B3GLCT: variants seen among roughly 807,000 people sequenced by gnomAD.
B3GLCT encodes the protein beta-1,3-glucosyltransferase.
B3GLCT carries 65 observed loss-of-function variants against 63.4 expected under a neutral mutation model. That is an observed-to-expected ratio of 1.03 (90% confidence interval 0.84 to 1.26). The LOEUF is 1.26. Ranked by LOEUF, B3GLCT falls within the 50% of genes most tolerant of loss-of-function variation. The pLI, the probability that B3GLCT is intolerant of heterozygous loss-of-function variation, is 0.00. For synonymous variants in B3GLCT, 233 were observed against 219.2 expected (o/e 1.06, Z -0.55); for missense variants, 577 against 604.8 (o/e 0.95, Z 0.48).
chr13:31,313,354 T>C (rs1439095177), intron 12 of B3GLCT, among the ~76,000 whole-genome samples: 3 of 152,222 alleles, frequency 2.0e-5, no homozygotes, highest in African/African-American at 7.2e-5. Context: ...ACTTGTTGAA[T>C]GGCTTTGCCC....
At chr13:31,214,944 G>T (rs1233638175) in intron 1 of B3GLCT, 107 bp from the exon 2 acceptor site, 46 of 1,104,458 alleles carry the variant, frequency 4.2e-5, no homozygotes, top group Non-Finnish European at 5.6e-5. Context: ...AGCAAAATAT[G>T]TCTTGTTAAA....
intron 6 of B3GLCT, 146 bp downstream of exon 6, chr13:31,248,112 T>C: frequency 1.6e-6 from 1 of 610,480 alleles, no homozygotes; most frequent in Non-Finnish European, 2.9e-6. Flanking sequence ...ATCTGAGATA[T>C]GTTAAGTAAT....
rs766246764 is a variant in B3GLCT at position 31,276,744 on chromosome 13, A to G, written c.823A>G (p.Thr275Ala). The G allele has an allele frequency of 1.2e-6, 2 of 1,613,272 alleles. No homozygotes were observed. The highest frequency in any genetic ancestry group is 1.7e-6 in the Non-Finnish European group (2 of 1,179,350). Reference sequence around the variant, plus strand: ...GAAGGATATTTTTGTTGCAGTAAAAACATGCAAGAAATTTCATGGTGACAG... The same window carrying G: ...GAAGGATATTTTTGTTGCAGTAAAAGCATGCAAGAAATTTCATGGTGACAG... ...KKKDIFVAVK[T>A]CKKFHGDRIP... is the part of the protein sequence containing the mutation. The change falls in exon 10 of 15, where the codon ACA becomes GCA. Residue 275 changes from threonine to alanine, a missense_variant. Transcript: ENST00000343307.
intron 9 of B3GLCT, among the ~76,000 whole-genome samples, chr13:31,274,936 A>G (rs1872715238): frequency 6.6e-6 from 1 of 152,216 alleles, no homozygotes; most frequent in African/African-American, 2.4e-5. Flanking sequence ...TTCCACTTAT[A>G]AGTGAGAACA....
At chr13:31,202,479 G>C (rs753041317) in intron 1 of B3GLCT, among the ~76,000 whole-genome samples, 1 of 152,156 alleles carries the variant, frequency 6.6e-6, no homozygotes, top group Non-Finnish European at 1.5e-5. Flanking sequence ...TACTGATCCC[G>C]TTGTAGCAGA....
intron 6 of B3GLCT, among the ~76,000 whole-genome samples, chr13:31,255,315 T>C (rs1372238898): frequency 1.3e-5 from 2 of 152,066 alleles, no homozygotes; most frequent in Non-Finnish European, 2.9e-5. Context: ...CACAAACAAA[T>C]GGAAAAACAT....
chr13:31,329,104 C>T (rs919091565), intron 14 of B3GLCT, among the ~76,000 whole-genome samples: 2 of 152,114 alleles, frequency 1.3e-5, no homozygotes, highest in Non-Finnish European at 2.9e-5. Flanking sequence ...CTTGTCCCAG[C>T]CCCCCACAAC....
At chr13:31,208,922 G>T (rs1016223401) in intron 1 of B3GLCT, among the ~76,000 whole-genome samples, 5 of 151,836 alleles carry the variant, frequency 3.3e-5, no homozygotes, top group Admixed American at 6.6e-5. Context: ...AGGGGTTCCT[G>T]CCCGGGTCAC....
At chr13:31,250,314 C>T (rs1376679918) in intron 6 of B3GLCT, among the ~76,000 whole-genome samples, 1 of 152,152 alleles carries the variant, frequency 6.6e-6, no homozygotes, top group African/African-American at 2.4e-5. Flanking sequence ...GCTGGGATTA[C>T]AGTCTTGCAC....
chr13:31,272,807 T>C (rs779120370), intron 8 of B3GLCT, among the ~76,000 whole-genome samples: 1 of 152,172 alleles, frequency 6.6e-6, no homozygotes, highest in African/African-American at 2.4e-5. Flanking sequence ...TTGTCATTAT[T>C]TTATGCAGTT....
intron 3 of B3GLCT, among the ~76,000 whole-genome samples, chr13:31,225,431 G>T (rs535376601): frequency 6.6e-6 from 1 of 152,306 alleles, no homozygotes; most frequent in African/African-American, 2.4e-5. Flanking sequence ...GATGGCTTAG[G>T]CTGTATGTCA....
intron 4 of B3GLCT, among the ~76,000 whole-genome samples, chr13:31,239,583 TGTTA>T (rs1230656758): frequency 1.3e-5 from 2 of 152,178 alleles, no homozygotes; most frequent in Non-Finnish European, 2.9e-5. Flanking sequence ...TTAAATATTT[TGTTA>T]GTTACATGAA....
intron 4 of B3GLCT, among the ~76,000 whole-genome samples, chr13:31,242,014 C>T (rs1870973525): frequency 6.6e-6 from 1 of 152,110 alleles, no homozygotes; most frequent in African/African-American, 2.4e-5. Flanking sequence ...GTACACTATG[C>T]TATGCTGTTT....
chr13:31,311,882 A>G (rs1018565868), intron 12 of B3GLCT, among the ~76,000 whole-genome samples: 3 of 152,222 alleles, frequency 2.0e-5, no homozygotes, highest in African/African-American at 7.2e-5. Context: ...GCAAACCATA[A>G]TAGTATACTT....
At chr13:31,296,134 G>T (rs1322630634) in intron 12 of B3GLCT, among the ~76,000 whole-genome samples, 1 of 152,142 alleles carries the variant, frequency 6.6e-6, no homozygotes, top group East Asian at 1.9e-4. Flanking sequence ...GCCCTCTGTG[G>T]GCTCCACCCA....
intron 1 of B3GLCT, among the ~76,000 whole-genome samples, chr13:31,207,412 G>A (rs761252974): frequency 1.3e-5 from 2 of 151,736 alleles, no homozygotes; most frequent in Admixed American, 1.3e-4. Context: ...GTGAGGGTGG[G>A]GTTTTAAATC....
chr13:31,253,901 A>G (rs1440279176), intron 6 of B3GLCT, among the ~76,000 whole-genome samples: 4 of 152,216 alleles, frequency 2.6e-5, no homozygotes, highest in Admixed American at 1.3e-4. Context: ...AGAATACTAT[A>G]AACAACTCTA....
intron 10 of B3GLCT, among the ~76,000 whole-genome samples, chr13:31,281,582 G>A (rs1291036698): frequency 6.6e-6 from 1 of 152,278 alleles, no homozygotes; most frequent in East Asian, 1.9e-4. Flanking sequence ...TTGCCCTACA[G>A]TGTTGTGTTA....
At chr13:31,240,467 G>GTTT (rs146603707) in intron 4 of B3GLCT, among the ~76,000 whole-genome samples, 7 of 129,786 alleles carry the variant, frequency 5.4e-5, no homozygotes, top group Admixed American at 7.6e-5. Flanking sequence ...TGCCTCTTTA[G>GTTT]TTTTTTTTTT....
Sources: gnomAD v4.1 joint callset for allele counts (sites outside exome capture counted in the v4.1 genomes callset) on GRCh38, gnomAD v4.1.1 for gene constraint, MANE v1.5 for transcripts, NCBI Gene and HGNC (gene_info 2026-07-23, HGNC 2026-07-21) for gene names.